The following KCNT2 variants were observed in gnomAD, a reference collection of about 807,000 sequenced individuals.
The protein encoded by KCNT2 is potassium channel subfamily T member 2.
KCNT2 carries 67 observed loss-of-function variants against 153.8 expected under a neutral mutation model. The ratio of observed to expected loss-of-function variants is 0.44; its 90% CI spans 0.36 to 0.53. The LOEUF (loss-of-function observed/expected upper bound fraction) is 0.53. Ranked by LOEUF, KCNT2 falls within the 20% of genes least tolerant of loss-of-function variation. The pLI is 0.00. For synonymous variants in KCNT2, 500 were observed against 458.8 expected (o/e 1.09, Z -1.15); for missense variants, 975 against 1,354.8 (o/e 0.72, Z 4.40).
chr1:196,587,058 T>C (rs1662776122), intron 1 of KCNT2, among the ~76,000 whole-genome samples: 1 of 152,074 alleles, frequency 6.6e-6, no homozygotes, highest in Non-Finnish European at 1.5e-5. Flanking sequence ...CTTACTGAAA[T>C]ATAGAAAATA....
chr1:196,257,835 C>T (rs1308741626), intron 26 of KCNT2: 1 of 985,086 alleles, frequency 1.0e-6, no homozygotes, highest in African/African-American at 1.7e-5. Context: ...GCCTCAAATT[C>T]ATTTTATCTC....
chr1:196,589,483 T>C (rs187023688), intron 1 of KCNT2, among the ~76,000 whole-genome samples: 13 of 152,202 alleles, frequency 8.5e-5, no homozygotes, highest in Non-Finnish European at 1.5e-4. Context: ...AAATAAATTT[T>C]CTAAGTTTAA....
At chr1:196,452,994 C>T (rs1232950188) in intron 8 of KCNT2, among the ~76,000 whole-genome samples, 1 of 151,950 alleles carries the variant, frequency 6.6e-6, no homozygotes, top group Non-Finnish European at 1.5e-5. Context: ...CCCTGTCGCC[C>T]AGTGAGGCTG....
intron 14 of KCNT2, among the ~76,000 whole-genome samples, chr1:196,356,479 G>A (rs1339684772): frequency 6.6e-6 from 1 of 151,618 alleles, no homozygotes; most frequent in African/African-American, 2.4e-5. Flanking sequence ...TTAATTAAAT[G>A]CTATTTTCTC....
At chr1:196,270,121 A>G (rs1558085448) in intron 25 of KCNT2, among the ~76,000 whole-genome samples, 2 of 152,112 alleles carry the variant, frequency 1.3e-5, no homozygotes, top group East Asian at 1.9e-4. Flanking sequence ...TTTAAAAGTT[A>G]ATGCAAATTT....
chr1:196,287,049 G>T (rs909866160), intron 22 of KCNT2, among the ~76,000 whole-genome samples: 3 of 152,058 alleles, frequency 2.0e-5, no homozygotes, highest in African/African-American at 7.2e-5. Flanking sequence ...CATCTCACGT[G>T]TATCTATAGT....
chr1:196,438,292 A>G (rs1316232729), intron 8 of KCNT2, among the ~76,000 whole-genome samples: 6 of 151,796 alleles, frequency 4.0e-5, no homozygotes, highest in Admixed American at 3.3e-4. Flanking sequence ...CTAACGATAG[A>G]GTCAGGGATT....
At chr1:196,289,666 T>C (rs1288716504) in intron 22 of KCNT2, among the ~76,000 whole-genome samples, 1 of 152,128 alleles carries the variant, frequency 6.6e-6, no homozygotes, top group Non-Finnish European at 1.5e-5. Context: ...AATTGTAATG[T>C]CACAATATGC....
chr1:196,597,797 C>T (rs1267451995), intron 1 of KCNT2, among the ~76,000 whole-genome samples: 1 of 152,104 alleles, frequency 6.6e-6, no homozygotes, highest in African/African-American at 2.4e-5. Context: ...TTACTCTATG[C>T]TATTGCATGA....
At chr1:196,405,172 T>TG (rs1287691429) in intron 12 of KCNT2, among the ~76,000 whole-genome samples, 1 of 151,538 alleles carries the variant, frequency 6.6e-6, no homozygotes. Context: ...TCATTTTTTT[T>TG]TTTCTAAAAG....
rs762216826 is a variant in KCNT2 at position 196,285,769 on chromosome 1, AT to A, written c.2596-12del. The A allele has an allele frequency of 6.4e-7, 1 of 1,551,450 alleles. No individual in the cohort carries two copies. Among genetic ancestry groups the A allele is most frequent in the South Asian group, 1.1e-5 (1 of 88,980 alleles). ...TCTCTCCCGTTCTTTCTGTTCAGAAATTTGAGATAGAAAAATTTGTGAGCAT... is the reference window on the plus strand; with the variant it reads ...TCTCTCCCGTTCTTTCTGTTCAGAAATTGAGATAGAAAAATTTGTGAGCAT... On this transcript the variant is annotated splice_polypyrimidine_tract_variant and intron_variant, in intron 22 of 27. Transcript: ENST00000294725.
At chr1:196,317,145 T>A (rs1317056288) in intron 20 of KCNT2, 2 of 289,068 alleles carry the variant, frequency 6.9e-6, no homozygotes, top group Non-Finnish European at 1.5e-5. Context: ...CAGGATTTCT[T>A]ACTCTGTTAT....
At chr1:196,323,850 T>C (rs1663574172) in intron 19 of KCNT2, among the ~76,000 whole-genome samples, 1 of 151,780 alleles carries the variant, frequency 6.6e-6, no homozygotes, top group Non-Finnish European at 1.5e-5. Flanking sequence ...ATCATCATTG[T>C]AGGAATTCCT....
At chr1:196,335,817 C>T (rs923672921) in intron 16 of KCNT2, among the ~76,000 whole-genome samples, 1 of 152,116 alleles carries the variant, frequency 6.6e-6, no homozygotes, top group Non-Finnish European at 1.5e-5. Flanking sequence ...TCAGGTCACT[C>T]TCACTGATTT....
intron 14 of KCNT2, among the ~76,000 whole-genome samples, 192 bp from the exon 15 acceptor site, chr1:196,342,420 CTATA>C (rs71154738): frequency 0.47 from 61,985 of 132,488 alleles, 14,569 homozygotes; most frequent in East Asian, 0.68. Flanking sequence ...ATTTTGAATA[CTATA>C]TATATATATA....
intron 27 of KCNT2, among the ~76,000 whole-genome samples, chr1:196,235,622 A>G (rs1271114282): frequency 6.6e-6 from 1 of 151,340 alleles, no homozygotes; most frequent in Admixed American, 6.6e-5. Context: ...GTGTTTGACC[A>G]ATCACAGTTT....
At chr1:196,336,426 A>T (rs2148130904) in intron 16 of KCNT2, among the ~76,000 whole-genome samples, 1 of 152,246 alleles carries the variant, frequency 6.6e-6, no homozygotes, top group African/African-American at 2.4e-5. Flanking sequence ...TTCTAACCAA[A>T]ATACATCTTT....
intron 20 of KCNT2, among the ~76,000 whole-genome samples, chr1:196,317,018 C>G (rs1290866610): frequency 6.6e-6 from 1 of 151,628 alleles, no homozygotes; most frequent in East Asian, 1.9e-4. Context: ...AGTAGTTTCT[C>G]TTAGGTTTTT....
At position 196,349,393 on chromosome 1, in the gene KCNT2, C is replaced by A. The variant is rs566018337; in HGVS notation, c.1404-7165G>T. Among the ~76,000 whole-genome samples, 4 of 152,238 alleles carry A rather than the reference C, an allele frequency of 2.6e-5. No individual in the cohort carries two copies. The South Asian group carries it at 8.3e-4, about 32-fold the overall frequency. On this transcript the variant is annotated intron_variant, in intron 14 of 27. Transcript: ENST00000294725. Reference sequence around the variant, plus strand: ...AAATTTGAAGCTCCAATCTTACCAGCTCAGGCTTGTTCTCCCTGGGCTGTC... The same window carrying A: ...AAATTTGAAGCTCCAATCTTACCAGATCAGGCTTGTTCTCCCTGGGCTGTC...
Sources: gnomAD v4.1 joint callset for allele counts (sites outside exome capture counted in the v4.1 genomes callset) on GRCh38, gnomAD v4.1.1 for gene constraint, MANE v1.5 for transcripts, NCBI Gene and HGNC (gene_info 2026-07-23, HGNC 2026-07-21) for gene names.